JAK1: variants seen among roughly 807,000 people sequenced by gnomAD.
JAK1 encodes the protein tyrosine-protein kinase JAK1.
Under a neutral mutation model 136.6 loss-of-function variants are expected in JAK1, and 16 were observed. That is an observed-to-expected ratio of 0.12 (90% confidence interval 0.08 to 0.18). The LOEUF is 0.18. Ranked by LOEUF, JAK1 falls within the 10% of genes least tolerant of loss-of-function variation. The pLI, the probability that JAK1 is intolerant of heterozygous loss-of-function variation, is 1.00. For missense variants in JAK1, 859 were observed against 1,450.1 expected, an observed-to-expected ratio of 0.59 and a Z score of 6.62; for synonymous variants, 492 against 519.5, an observed-to-expected ratio of 0.95 and a Z score of 0.72.
At chr1:64,971,797 G>A (rs1263178601) in intron 2 of JAK1, among the ~76,000 whole-genome samples, 6 of 152,176 alleles carry the variant, frequency 3.9e-5, no homozygotes, top group African/African-American at 7.2e-5. Context: ...GACCTCAAGT[G>A]ATCCACCCAC....
At chr1:64,966,647 A>G (rs1316399578), upstream of JAK1, 4 of 145,832 alleles carry the variant, frequency 2.7e-5, no homozygotes, top group African/African-American at 5.0e-5. Context: ...CAGCCCCGGA[A>G]AGCGGGGCGG....
At chr1:65,053,395 T>C (rs1226733655) in intron 1 of JAK1, among the ~76,000 whole-genome samples, 2 of 151,992 alleles carry the variant, frequency 1.3e-5, no homozygotes, top group East Asian at 3.9e-4. Flanking sequence ...GAAGACAAAG[T>C]ATGAATAGAA....
chr1:65,024,516 G>A (rs192060184), intron 2 of JAK1, among the ~76,000 whole-genome samples: 1 of 152,196 alleles, frequency 6.6e-6, no homozygotes, highest in African/African-American at 2.4e-5. Context: ...GAGAGAGTCT[G>A]TTGTAACAGG....
chr1:65,011,068 T>G (rs1300621329), intron 2 of JAK1, among the ~76,000 whole-genome samples: 1 of 152,220 alleles, frequency 6.6e-6, no homozygotes, highest in Non-Finnish European at 1.5e-5. Flanking sequence ...TCTTTTTCAT[T>G]TTCATGTATA....
chr1:64,925,752 G>A (rs1270948962), intron 1 of JAK1, among the ~76,000 whole-genome samples: 1 of 152,158 alleles, frequency 6.6e-6, no homozygotes, highest in Non-Finnish European at 1.5e-5. Context: ...ATAACAATGA[G>A]ACATGGTATA....
At chr1:65,027,933 G>A (rs543948097) in intron 2 of JAK1, among the ~76,000 whole-genome samples, 2 of 152,268 alleles carry the variant, frequency 1.3e-5, no homozygotes, top group African/African-American at 2.4e-5. Flanking sequence ...GGAAGTCTGC[G>A]TGGCACGCTG....
intron 2 of JAK1, among the ~76,000 whole-genome samples, chr1:65,014,522 T>G (rs766684820): frequency 3.3e-5 from 5 of 151,734 alleles, no homozygotes; most frequent in Non-Finnish European, 7.4e-5. Flanking sequence ...CTAATGAACA[T>G]CAAAGGAAAA....
At chr1:64,878,858 G>A (rs1302086294) in intron 4 of JAK1, among the ~76,000 whole-genome samples, 167 bp downstream of exon 4, 1 of 152,060 alleles carries the variant, frequency 6.6e-6, no homozygotes, top group Admixed American at 6.6e-5. Flanking sequence ...ATCTTGAATT[G>A]TATTCCAAAT....
At chr1:64,877,014 G>C (rs1644682340) in intron 4 of JAK1, among the ~76,000 whole-genome samples, 1 of 152,102 alleles carries the variant, frequency 6.6e-6, no homozygotes, top group Admixed American at 6.6e-5. Flanking sequence ...TTTTGAAAAG[G>C]AATACAGAAT....
At chr1:65,002,715 C>T (rs1015488140) in intron 2 of JAK1, among the ~76,000 whole-genome samples, 1 of 152,222 alleles carries the variant, frequency 6.6e-6, no homozygotes, top group African/African-American at 2.4e-5. Context: ...GCGGGGGCAC[C>T]GCGCAGTTGG....
intron 1 of JAK1, among the ~76,000 whole-genome samples, chr1:64,937,759 G>C (rs1645815185): frequency 6.6e-6 from 1 of 152,086 alleles, no homozygotes; most frequent in Non-Finnish European, 1.5e-5. Context: ...CCATCAACAA[G>C]TCAACTGAAC....
chr1:65,057,901 A>G (rs977232785), intron 1 of JAK1: 1 of 153,440 alleles, frequency 6.5e-6, no homozygotes, highest in Non-Finnish European at 1.5e-5. Flanking sequence ...TGAAAGAAAC[A>G]TGACATGTCA....
At chr1:65,001,406 C>A (rs546606943) in intron 2 of JAK1, among the ~76,000 whole-genome samples, 112 of 152,248 alleles carry the variant, frequency 7.4e-4, no homozygotes, top group South Asian at 6.6e-3. Context: ...CGCTGGCTGG[C>A]GGCGAGTGCA....
At chr1:64,847,769 A>C in intron 12 of JAK1, 94 bp from the exon 13 acceptor site, 1 of 1,418,854 alleles carries the variant, frequency 7.0e-7, no homozygotes, top group Non-Finnish European at 9.7e-7. Flanking sequence ...TGGACTATCA[A>C]TGGGATGGGG....
At chr1:65,022,915 G>A (rs1312526625) in intron 2 of JAK1, 1 of 152,108 alleles carries the variant, frequency 6.6e-6, no homozygotes. Flanking sequence ...ACACCTGTTA[G>A]ATCATATAAA....
intron 1 of JAK1, among the ~76,000 whole-genome samples, chr1:64,937,898 G>T (rs771963369): frequency 1.4e-3 from 204 of 149,084 alleles, no homozygotes; most frequent in Non-Finnish European, 2.5e-3. Context: ...TTTTTTTTTT[G>T]AGAGGGAGTC....
At chr1:65,061,875 G>C (rs548599621) in intron 1 of JAK1, among the ~76,000 whole-genome samples, 3 of 152,190 alleles carry the variant, frequency 2.0e-5, no homozygotes, top group Non-Finnish European at 4.4e-5. Context: ...GAAATAGGCA[G>C]AAAGGCAAGA....
At chr1:64,877,653 T>C (rs1644693979) in intron 4 of JAK1, among the ~76,000 whole-genome samples, 2 of 152,174 alleles carry the variant, frequency 1.3e-5, no homozygotes, top group Admixed American at 6.5e-5. Flanking sequence ...TTAGGTAACT[T>C]TGGTCTTTTC....
At chr1:64,883,578 T>A (rs1644808942) in intron 2 of JAK1, 103 bp from the exon 3 acceptor site, 1 of 945,514 alleles carries the variant, frequency 1.1e-6, no homozygotes, top group Admixed American at 2.2e-5. Context: ...ACATTTGGTG[T>A]TGGTATTGGA....
Sources: allele counts gnomAD v4.1 joint callset (sites outside exome capture counted in the v4.1 genomes callset), GRCh38; gene constraint gnomAD v4.1.1; transcripts MANE v1.5; gene names NCBI Gene and HGNC (gene_info 2026-07-23, HGNC 2026-07-21).